FNDC3B: variants seen among roughly 807,000 people sequenced by gnomAD.
FNDC3B encodes the protein fibronectin type III domain-containing protein 3B.
Under a neutral mutation model 151.5 loss-of-function variants are expected in FNDC3B, and 12 were observed. The ratio of observed to expected loss-of-function variants is 0.08; its 90% CI spans 0.05 to 0.13. FNDC3B has a LOEUF of 0.13. Among genes scored for constraint, FNDC3B ranks in the 10% least tolerant of loss-of-function variants. The pLI, the probability that FNDC3B is intolerant of heterozygous loss-of-function variation, is 1.00. For missense variants in FNDC3B, 1,214 were observed against 1,505.3 expected, an observed-to-expected ratio of 0.81 and a Z score of 3.20; for synonymous variants, 528 against 549.0, an observed-to-expected ratio of 0.96 and a Z score of 0.54.
intron 3 of FNDC3B, among the ~76,000 whole-genome samples, chr3:172,154,844 C>T (rs1175215878): frequency 6.6e-6 from 1 of 151,972 alleles, no homozygotes; most frequent in East Asian, 1.9e-4. Context: ...GCTTTTGAGC[C>T]TTCGTGATCT....
intron 1 of FNDC3B, among the ~76,000 whole-genome samples, chr3:172,097,179 A>T (rs1719132759): frequency 6.6e-6 from 1 of 152,158 alleles, no homozygotes; most frequent in Non-Finnish European, 1.5e-5. Context: ...TTTATGGAGC[A>T]CTTGTTATCT....
At chr3:172,146,902 T>TAAACACA (rs1255610972) in intron 3 of FNDC3B, among the ~76,000 whole-genome samples, 2 of 152,252 alleles carry the variant, frequency 1.3e-5, no homozygotes, top group Admixed American at 1.3e-4. Context: ...TACTTAGATG[T>TAAACACA]AAACACAATA....
At chr3:172,106,764 A>T (rs944826298) in intron 1 of FNDC3B, among the ~76,000 whole-genome samples, 21 of 152,238 alleles carry the variant, frequency 1.4e-4, no homozygotes, top group African/African-American at 4.8e-4. Context: ...GTTGTTTTTC[A>T]TGAATTTGGC....
At chr3:172,333,371 G>T (rs1732777766) in intron 14 of FNDC3B, among the ~76,000 whole-genome samples, 196 bp downstream of exon 14, 1 of 152,122 alleles carries the variant, frequency 6.6e-6, no homozygotes, top group South Asian at 2.1e-4. Flanking sequence ...ACTCAGGCTG[G>T]AGTGCAGTGG....
At chr3:172,205,317 G>A (rs1725366968) in intron 3 of FNDC3B, among the ~76,000 whole-genome samples, 1 of 152,180 alleles carries the variant, frequency 6.6e-6, no homozygotes, top group African/African-American at 2.4e-5. Flanking sequence ...GAGAGGGCCT[G>A]GCAACCATGG....
chr3:172,074,742 C>T (rs138908027), intron 1 of FNDC3B, among the ~76,000 whole-genome samples: 1 of 152,296 alleles, frequency 6.6e-6, no homozygotes, highest in East Asian at 1.9e-4. Flanking sequence ...TGAAATTTGG[C>T]AGGCCCCTAG....
intron 16 of FNDC3B, 64 bp downstream of exon 16, chr3:172,337,465 A>G: frequency 9.8e-7 from 1 of 1,021,356 alleles, no homozygotes; most frequent in Non-Finnish European, 1.6e-6. Context: ...AATATAGTAA[A>G]TGTCTTTATA....
rs1008672296 is a variant in FNDC3B at position 172,112,532 on chromosome 3, T to G, written c.53T>G (p.Leu18Trp). 11 of 1,614,214 alleles carry G rather than the reference T, an allele frequency of 6.8e-6. No individual in the cohort carries two copies. Among genetic ancestry groups the G allele is most frequent in the Non-Finnish European group, 9.3e-6 (11 of 1,180,020 alleles). The part of the protein sequence containing the change: ...TDQIPLELPP[L>W]LNGEVAMMPH... ...CAAATCCCTCTGGAACTGCCACCAT[T>G]GCTGAACGGAGAGGTAGCCATGATG... The change falls in exon 2 of 26, where the codon TTG becomes TGG. Residue 18 changes from leucine (L) to tryptophan (W), a missense_variant. Physicochemically the swap from Leu to Trp is moderately conservative, Grantham distance 61. Coordinates refer to ENST00000415807, the MANE Select transcript of FNDC3B (RefSeq NM_022763.4).
intron 2 of FNDC3B, among the ~76,000 whole-genome samples, chr3:172,113,948 C>T (rs1720114613): frequency 6.6e-6 from 1 of 152,166 alleles, no homozygotes; most frequent in Admixed American, 6.5e-5. Flanking sequence ...ACTTCACTTC[C>T]ACTACCACTG....
intron 1 of FNDC3B, among the ~76,000 whole-genome samples, chr3:172,080,299 C>G (rs185105333): frequency 3.2e-4 from 48 of 152,102 alleles, no homozygotes; most frequent in African/African-American, 1.0e-3. Flanking sequence ...GAGACAGAGT[C>G]TTGCTTTGTC....
chr3:172,121,136 G>A (rs1354825104), intron 2 of FNDC3B, among the ~76,000 whole-genome samples: 1 of 152,138 alleles, frequency 6.6e-6, no homozygotes, highest in South Asian at 2.1e-4. Flanking sequence ...GAACTCTGTG[G>A]TCATCCGGGT....
intron 6 of FNDC3B, among the ~76,000 whole-genome samples, chr3:172,266,956 G>A (rs77699848): frequency 6.6e-6 from 1 of 152,236 alleles, no homozygotes; most frequent in Admixed American, 6.5e-5. Context: ...TGCATCCTAG[G>A]TCTGATTGAT....
intron 3 of FNDC3B, among the ~76,000 whole-genome samples, chr3:172,179,209 G>A (rs201751709): frequency 3.3e-5 from 5 of 150,872 alleles, no homozygotes; most frequent in South Asian, 2.1e-4. Flanking sequence ...TTACAGGCAC[G>A]CGCCACCATG....
chr3:172,184,947 AG>A (rs1303788288), intron 3 of FNDC3B, among the ~76,000 whole-genome samples: 2 of 152,220 alleles, frequency 1.3e-5, no homozygotes, highest in Non-Finnish European at 2.9e-5. Flanking sequence ...GCAAAGGAAA[AG>A]AAAAAAAGAC....
chr3:172,370,146 G>A (rs1296560640), intron 23 of FNDC3B, among the ~76,000 whole-genome samples: 1 of 148,664 alleles, frequency 6.7e-6, no homozygotes, highest in Admixed American at 6.6e-5. Flanking sequence ...AGTTGGCCTA[G>A]GGATTATAAG....
At chr3:172,118,878 T>A (rs775996329) in intron 2 of FNDC3B, among the ~76,000 whole-genome samples, 3 of 152,110 alleles carry the variant, frequency 2.0e-5, no homozygotes, top group Non-Finnish European at 4.4e-5. Context: ...TGGAAAAGAA[T>A]GAGAGGATAG....
chr3:172,158,139 A>C (rs1482307181), intron 3 of FNDC3B, among the ~76,000 whole-genome samples: 1 of 152,192 alleles, frequency 6.6e-6, no homozygotes, highest in African/African-American at 2.4e-5. Context: ...ATACATTTCT[A>C]TCATCTCTAA....
At chr3:172,123,250 G>A (rs1250581459) in intron 2 of FNDC3B, among the ~76,000 whole-genome samples, 1 of 152,134 alleles carries the variant, frequency 6.6e-6, no homozygotes, top group Non-Finnish European at 1.5e-5. Context: ...TGTTGCCCAA[G>A]CTGGTCTCAA....
chr3:172,143,953 A>AAATG (rs1721772982), intron 3 of FNDC3B, among the ~76,000 whole-genome samples: 3 of 151,676 alleles, frequency 2.0e-5, no homozygotes, highest in South Asian at 2.1e-4. Flanking sequence ...ATAAATAAAT[A>AAATG]GTAAATGAGG....
Sources: gnomAD v4.1 joint callset for allele counts (sites outside exome capture counted in the v4.1 genomes callset) on GRCh38, gnomAD v4.1.1 for gene constraint, MANE v1.5 for transcripts, NCBI Gene and HGNC (gene_info 2026-07-23, HGNC 2026-07-21) for gene names.